Variants in PPP2R3B observed in about 807,000 individuals in gnomAD.
The protein encoded by PPP2R3B is serine/threonine-protein phosphatase 2A regulatory subunit B'' subunit beta.
A neutral mutation model predicts 72.9 loss-of-function variants in PPP2R3B; 68 were observed. The observed-to-expected ratio is 0.93, with a 90% CI of 0.77 to 1.14. The LOEUF (loss-of-function observed/expected upper bound fraction) is 1.14. Among genes scored for constraint, PPP2R3B ranks in the 50% most tolerant of loss-of-function variants. PPP2R3B has a pLI of 0.00. For synonymous variants in PPP2R3B, 466 were observed against 375.8 expected (o/e 1.24, Z -2.78); for missense variants, 1,018 against 842.0 (o/e 1.21, Z -2.59).
At chrX:349,451 A>C (rs1406606193) in intron 2 of PPP2R3B, among the ~76,000 whole-genome samples, 1 of 152,200 alleles carries the variant, frequency 6.6e-6, no homozygotes, top group Non-Finnish European at 1.5e-5. Flanking sequence ...TGACACATGA[A>C]CACTTCTTCC....
Position 338,867 on chromosome X carries a change from A to G in PPP2R3B, c.1381T>C (p.Cys461Arg). 1 of 1,612,430 alleles carries G rather than the reference A, an allele frequency of 6.2e-7. No individual in the cohort carries two copies. Among genetic ancestry groups the G allele is most frequent in the East Asian group, 2.2e-5 (1 of 44,874 alleles). The change falls in exon 11 of 13, where the codon TGC becomes CGC. Residue 461 changes from cysteine (C) to arginine (R), a missense_variant. Transcript: ENST00000390665. ...TCGAAGAAGACGTTAGCCAGCTTGC[A>G]GCGCTTCAGGTCCTGCAGCGTGATC... ...GKITLQDLKR[C>R]KLANVFFDTF...
Position 347,322 on chromosome X carries a change from C to T in PPP2R3B, c.629G>A (p.Cys210Tyr), listed in dbSNP as rs1276570783. ...GACGAACTTGGCCGCGTCGTCGTGG[C>T]AGTTCTGGAGGATTCTGGAAGGACA... is the stretch of plus-strand genomic sequence containing the variant. ...VAMWRKILQN[C>Y]HDDAAKFVHL... Residue 210 changes from cysteine (C) to tyrosine (Y), a missense_variant, in exon 4 of 13, where the codon TGC becomes TAC. Cys to Tyr is a radical substitution (Grantham distance 194). Coordinates refer to ENST00000390665, the MANE Select transcript of PPP2R3B (RefSeq NM_013239.5). The T allele has an allele frequency of 6.2e-7, 1 of 1,613,780 alleles. No individual in the cohort carries two copies. The highest frequency in any genetic ancestry group is 1.7e-5 in the Admixed American group (1 of 60,008).
chrX:360,201 A>C (rs1569400375), intron 2 of PPP2R3B, among the ~76,000 whole-genome samples: 2 of 152,212 alleles, frequency 1.3e-5, no homozygotes, highest in Non-Finnish European at 2.9e-5. Context: ...TTAACATCCC[A>C]AAACCAACTC....
intron 1 of PPP2R3B, among the ~76,000 whole-genome samples, chrX:375,318 G>C (rs1368412240): frequency 2.6e-5 from 4 of 152,020 alleles, no homozygotes. Flanking sequence ...ACGATGCGGG[G>C]CGCAAACTCA....
intron 1 of PPP2R3B, among the ~76,000 whole-genome samples, chrX:378,635 C>T (rs774379274): frequency 6.6e-6 from 1 of 152,194 alleles, no homozygotes; most frequent in Admixed American, 6.5e-5. Flanking sequence ...GATTCAAAAC[C>T]CGTCCACCTC....
chrX:371,890 G>A (rs1193444179), intron 1 of PPP2R3B, among the ~76,000 whole-genome samples: 2 of 146,426 alleles, frequency 1.4e-5, no homozygotes, highest in East Asian at 4.0e-4. Context: ...TCACACGTCT[G>A]TCCTCACTCC....
chrX:385,481 G>C (rs984377692), intron 1 of PPP2R3B, among the ~76,000 whole-genome samples: 1 of 151,528 alleles, frequency 6.6e-6, no homozygotes, highest in Non-Finnish European at 1.5e-5. Flanking sequence ...TCTCACCTGC[G>C]GTGTATAATC....
At chrX:357,648 GC>G (rs2124154859) in intron 2 of PPP2R3B, among the ~76,000 whole-genome samples, 1 of 152,006 alleles carries the variant, frequency 6.6e-6, no homozygotes, top group African/African-American at 2.4e-5. Flanking sequence ...TCTAAGTTAC[GC>G]AAAAAATTTT....
chrX:380,473 C>T (rs761160265), intron 1 of PPP2R3B, among the ~76,000 whole-genome samples: 1 of 152,266 alleles, frequency 6.6e-6, no homozygotes, highest in South Asian at 2.1e-4. Flanking sequence ...CACCAGGCCG[C>T]AGGGAAATGC....
chrX:385,244 T>C (rs1231680222), intron 1 of PPP2R3B, among the ~76,000 whole-genome samples: 1 of 151,806 alleles, frequency 6.6e-6, no homozygotes, highest in African/African-American at 2.4e-5. Flanking sequence ...TTCTTGAATA[T>C]ATACACTTGG....
intron 1 of PPP2R3B, among the ~76,000 whole-genome samples, chrX:375,536 G>A (rs755552705): frequency 1.2e-3 from 164 of 141,678 alleles, no homozygotes; most frequent in Non-Finnish European, 2.2e-3. Context: ...CAGAGGTGCC[G>A]TCCCGTCACC....
At chrX:342,340 ACG>A (rs1358163758) in intron 7 of PPP2R3B, 254 of 209,218 alleles carry the variant, frequency 1.2e-3, no homozygotes, top group East Asian at 1.6e-3. Flanking sequence ...GACCTCAGCA[ACG>A]GGAGGCGGGA....
chrX:379,362 C>CTG (rs1569418385), intron 1 of PPP2R3B, among the ~76,000 whole-genome samples: 1 of 138,040 alleles, frequency 7.2e-6, no homozygotes, highest in African/African-American at 2.9e-5. Context: ...GTGTATGCAC[C>CTG]TATGTGTGTA....
chrX:349,578 T>C (rs2071287223), intron 2 of PPP2R3B, among the ~76,000 whole-genome samples: 1 of 152,162 alleles, frequency 6.6e-6, no homozygotes, highest in Admixed American at 6.5e-5. Context: ...GGCAGAACCG[T>C]CATGATTCAC....
At chrX:336,254 C>T (rs1380183850) in intron 12 of PPP2R3B, 2 of 152,174 alleles carry the variant, frequency 1.3e-5, no homozygotes, top group Admixed American at 6.5e-5. Context: ...CAAGATCTAT[C>T]CTGGGAACAC....
Position 369,014 on chromosome X carries a change from C to T in PPP2R3B, c.325-7424G>A, listed in dbSNP as rs139439699. 6.0e-4 allele frequency among the ~76,000 whole-genome samples: 91 copies of T among 152,324 alleles called. 1 individual carries two copies. The East Asian group carries it at 0.016, about 27-fold the overall frequency. ...TTAATCTCATGGACAGAAATAGACTCGGCCCCAGCACAGCTGCAGAGCACA... is the reference window on the plus strand; with the variant it reads ...TTAATCTCATGGACAGAAATAGACTTGGCCCCAGCACAGCTGCAGAGCACA... On this transcript the variant is annotated intron_variant, in intron 1 of 12. Transcript: ENST00000390665.
At chrX:345,382 C>G (rs112160109) in intron 7 of PPP2R3B, 134 bp downstream of exon 7, 7 of 1,210,008 alleles carry the variant, frequency 5.8e-6, no homozygotes, top group Non-Finnish European at 7.1e-6. Context: ...CACAGAGCGG[C>G]GAGTGCGAAG....
intron 2 of PPP2R3B, 83 bp downstream of exon 2, chrX:361,322 G>A (rs2071533831): frequency 6.0e-6 from 9 of 1,492,128 alleles, no homozygotes; most frequent in South Asian, 4.8e-5. Flanking sequence ...CGTGTGACAC[G>A]CACCCACCAC....
rs2071070165 is a variant in PPP2R3B, at chrX:341,389, T to C, written c.1093A>G (p.Lys365Glu). The C allele has an allele frequency of 2.5e-6, 4 of 1,612,676 alleles. No individual in the cohort carries two copies. The Admixed American group carries it at 5.0e-5, about 20-fold the overall frequency. ...IFSGAVTRGR[K>E]VQKEGKISYA... ...CTGATCTTCCCTTCCTTCTGCACTTTTCTGCCTCTAGATCGAAAGCCAGGA... is the reference window on the plus strand; with the variant it reads ...CTGATCTTCCCTTCCTTCTGCACTTCTCTGCCTCTAGATCGAAAGCCAGGA... The change falls in exon 9 of 13, where the codon AAA becomes GAA. Residue 365 changes from lysine (K) to glutamate (E), a missense_variant. Transcript: ENST00000390665.
Sources: gnomAD v4.1 joint callset for allele counts (sites outside exome capture counted in the v4.1 genomes callset) on GRCh38, gnomAD v4.1.1 for gene constraint, MANE v1.5 for transcripts, NCBI Gene and HGNC (gene_info 2026-07-23, HGNC 2026-07-21) for gene names.